Variants in DALRD3 observed in about 807,000 individuals in gnomAD.
The protein encoded by DALRD3 is DALR anticodon-binding domain-containing protein 3.
A neutral mutation model predicts 56.7 loss-of-function variants in DALRD3; 47 were observed. The ratio of observed to expected loss-of-function variants is 0.83; its 90% confidence interval spans 0.66 to 1.06. The LOEUF (loss-of-function observed/expected upper bound fraction) is 1.06. Ranked by LOEUF, DALRD3 falls within the 50% of genes least tolerant of loss-of-function variation. The probability of loss-of-function intolerance (pLI) is 0.00; values close to 1 mark genes in which losing one functional copy is unlikely to be tolerated. For synonymous variants in DALRD3, 347 were observed against 308.5 expected (o/e 1.12, Z -1.31); for missense variants, 787 against 724.0 (o/e 1.09, Z -1.00).
Position 49,016,164 on chromosome 3 carries a change from A to AT in DALRD3, c.1322dup (p.His441GlnfsTer2). ...TACCAGGAGGGACACTCACCTCATC[A>AT]TGTAGCAGTGAGAAGTCCAGACTGC... is the stretch of plus-strand genomic sequence containing the variant. On this transcript the variant is annotated frameshift_variant, in exon 9 of 12. Transcript: ENST00000341949. LOFTEE classifies it high-confidence loss of function. 6.2e-7 allele frequency: 1 copy of AT among 1,614,036 alleles called. No individual in the cohort carries two copies. The highest frequency in any genetic ancestry group is 8.5e-7 in the Non-Finnish European group (1 of 1,179,916).
upstream of DALRD3, chr3:49,018,657 G>T: frequency 6.9e-7 from 1 of 1,441,528 alleles, no homozygotes; most frequent in South Asian, 1.5e-5. Flanking sequence ...ATGCGGCGGT[G>T]GTCCCCGTAA....
chr3:49,018,963 A>C, upstream of DALRD3: 1 of 985,496 alleles, frequency 1.0e-6, no homozygotes, highest in Non-Finnish European at 1.2e-6. Flanking sequence ...GGAATAAGGC[A>C]GTATAACATT....
Position 49,016,416 on chromosome 3 carries a change from C to T in DALRD3, c.1146+13G>A, listed in dbSNP as rs1029598406. The T allele has an allele frequency of 1.2e-5, 19 of 1,611,076 alleles. No homozygotes were observed. In the African/African-American group the frequency reaches 1.5e-4, roughly 12 times the overall value. ...GTGCCCCAACACTGGCCCTGTCAGG[C>T]TCCCAGGCTCACCTGACTCTGTGGG... On this transcript the variant is annotated intron_variant, in intron 8 of 11. Transcript: ENST00000341949.
intron 5 of DALRD3, 119 bp from the exon 6 acceptor site, chr3:49,016,966 T>G: frequency 8.2e-7 from 1 of 1,217,676 alleles, no homozygotes; most frequent in South Asian, 1.3e-5. Context: ...AACTGCCAGG[T>G]TGAGTGCCTC....
chr3:49,017,495 G>A lies in DALRD3; in HGVS notation c.737C>T (p.Ser246Phe), dbSNP rs763667256. ...DNCLVTEDLL[S>F]VLAELQEALW... ...AGCCTCTTGCAGCTCAGCCAGCACA[G>A]AGAGGAGATCCTCAGTCACTGAAAA... The change falls in exon 4 of 12, where the codon TCT becomes TTT. Residue 246 changes from serine to phenylalanine, a missense_variant. Transcript: ENST00000341949. 3.1e-6 allele frequency: 5 copies of A among 1,614,122 alleles called. No homozygotes were observed. Among genetic ancestry groups the A allele is most frequent in the Non-Finnish European group, 3.4e-6 (4 of 1,180,028 alleles).
rs1378904625 is a variant in DALRD3 at position 49,018,524 on chromosome 3, G to A, written c.41C>T (p.Ala14Val). 1.9e-6 allele frequency: 3 copies of A among 1,584,050 alleles called. No individual in the cohort carries two copies. The highest frequency in any genetic ancestry group is 2.6e-6 in the Non-Finnish European group (3 of 1,165,076). The change falls in exon 1 of 12, where the codon GCC becomes GTC. Residue 14 changes from alanine (A) to valine (V), a missense_variant. By Grantham distance (64) the Ala-to-Val change is moderately conservative. Coordinates refer to ENST00000341949, the MANE Select transcript of DALRD3 (RefSeq NM_001009996.3). ...RRLGVGETLG[A>V]LNAALGPGGP... Reference sequence around the variant, plus strand: ...GCCTGGCCCCAGGGCCGCGTTGAGGGCCCCCAGCGTCTCCCCGACCCCAAG... The same window carrying A: ...GCCTGGCCCCAGGGCCGCGTTGAGGACCCCCAGCGTCTCCCCGACCCCAAG...
At chr3:49,015,909 G>T (rs754560245) in intron 10 of DALRD3, 37 bp from the exon 11 acceptor site, 4 of 1,614,072 alleles carry the variant, frequency 2.5e-6, no homozygotes, top group African/African-American at 2.7e-5. Flanking sequence ...CCATCTCTTT[G>T]CTCTTGTGCC....
Position 49,018,227 on chromosome 3 carries a change from G to C in DALRD3, c.257C>G (p.Ser86Cys). 2.8e-6 allele frequency: 4 copies of C among 1,441,420 alleles called. No individual in the cohort carries two copies. Among genetic ancestry groups the C allele is most frequent in the East Asian group, 2.6e-5 (1 of 37,808 alleles). 89.3% of individuals were successfully genotyped at this position (1,441,420 alleles called of 1,614,324 possible). The stretch of plus-strand genomic sequence containing the variant: ...GACGGCGGACCGCTGCAGTTGGAGA[G>C]ACAGACCCGCGGGGGTCGGCGCGCA... ...LRCAPTPAGL[S>C]LQLQRSAVFE... Residue 86 changes from serine (S) to cysteine (C), a missense_variant, in exon 2 of 12, where the codon TCT becomes TGT. By Grantham distance (112) the Ser-to-Cys change is moderately radical. Transcript: ENST00000341949.
chr3:49,017,601 T>TG lies in DALRD3; in HGVS notation c.718+11_718+12insC. ...CCTGCCTTTTCTGGCCCTGCTAGGC[T>TG]TCAGGTCCTACCCAGACAGTTGTCC... On this transcript the variant is annotated intron_variant, in intron 3 of 11. Coordinates refer to ENST00000341949, the MANE Select transcript of DALRD3 (RefSeq NM_001009996.3). 3 of 1,614,058 alleles carry TG rather than the reference T, an allele frequency of 1.9e-6. No homozygotes were observed. The highest frequency in any genetic ancestry group is 1.7e-6 in the Non-Finnish European group (2 of 1,179,944).
chr3:49,019,031 G>A (rs1268088896), upstream of DALRD3: 14 of 985,286 alleles, frequency 1.4e-5, no homozygotes, highest in Non-Finnish European at 1.6e-5. Flanking sequence ...AGTGTTCCGC[G>A]GTTTCAGGTT....
chr3:49,017,082 T>C (rs1336624386), intron 5 of DALRD3, 146 bp downstream of exon 5: 26 of 1,163,786 alleles, frequency 2.2e-5, no homozygotes, highest in South Asian at 1.0e-4. Context: ...CCTCTGCACC[T>C]GCTGTACATG....
chr3:49,017,565 C>T (rs1427226444), intron 3 of DALRD3, 48 bp downstream of exon 3: 1 of 1,614,070 alleles, frequency 6.2e-7, no homozygotes, highest in Non-Finnish European at 8.5e-7. Flanking sequence ...GAGATGTGCC[C>T]CTAACCCCCT....
At position 49,018,232 on chromosome 3, in the gene DALRD3, A is replaced by G; in HGVS notation, c.252T>C (p.Gly84=). 2 of 1,438,410 alleles carry G rather than the reference A, an allele frequency of 1.4e-6. No individual in the cohort carries two copies. The highest frequency in any genetic ancestry group is 3.0e-5 in the South Asian group (2 of 67,692). The allele number at this position is 1,438,410 out of a possible 1,614,324, so 89.1% of individuals were successfully genotyped here. ...CGGACCGCTGCAGTTGGAGAGACAGACCCGCGGGGGTCGGCGCGCAGCGCA... is the reference window on the plus strand; with the variant it reads ...CGGACCGCTGCAGTTGGAGAGACAGGCCCGCGGGGGTCGGCGCGCAGCGCA... ...PVLRCAPTPA[G]LSLQLQRSAV... is the part of the protein sequence containing the mutation. Residue 84 remains glycine, a synonymous_variant, in exon 2 of 12, where the codon GGT becomes GGC. Coordinates refer to ENST00000341949, the MANE Select transcript of DALRD3 (RefSeq NM_001009996.3).
chr3:49,020,818 CG>C, upstream of DALRD3: 2 of 381,490 alleles, frequency 5.2e-6, no homozygotes, highest in South Asian at 3.9e-5. Context: ...GGTTGTGAAA[CG>C]GAGTCTAGAG....
upstream of DALRD3, chr3:49,018,666 A>AT (rs2093124075): frequency 9.8e-6 from 14 of 1,434,280 alleles, no homozygotes; most frequent in Admixed American, 2.3e-4. Flanking sequence ...TGGTCCCCGT[A>AT]AGTGGACAGG....
chr3:49,018,430 G>A lies in DALRD3; in HGVS notation c.135C>T (p.Arg45=). The A allele has an allele frequency of 6.3e-7, 1 of 1,582,142 alleles. No homozygotes were observed. Among genetic ancestry groups the A allele is most frequent in the Middle Eastern group, 1.7e-4 (1 of 5,998 alleles). ...LRSRDFLAPH[R]ALQARFDDGQ... is the part of the protein sequence containing the mutation. ...CGTCATCGAAGCGCGCCTGCAGCGC[G>A]CGGTGCGGTGCCAGAAAGTCTCGGG... The change falls in exon 1 of 12, where the codon CGC becomes CGT. Residue 45 remains arginine (R), a synonymous_variant. Coordinates refer to ENST00000341949, the MANE Select transcript of DALRD3 (RefSeq NM_001009996.3).
At chr3:49,018,645 G>A, upstream of DALRD3, 1 of 1,447,050 alleles carries the variant, frequency 6.9e-7, no homozygotes, top group Non-Finnish European at 9.1e-7. Context: ...GCTGGGGCGG[G>A]GATGCGGCGG....
At position 49,016,249 on chromosome 3, in the gene DALRD3, A is replaced by AT. The variant is rs766768600; in HGVS notation, c.1237_1238insA (p.Leu413HisfsTer3). 3 of 1,614,016 alleles carry AT rather than the reference A, an allele frequency of 1.9e-6. No individual in the cohort carries two copies. On this transcript the variant is annotated frameshift_variant, in exon 9 of 12. Transcript: ENST00000341949. LOFTEE classifies it high-confidence loss of function. ...CATACTACACTTGTAACTCTCAAAG[A>AT]GTGTGGCAAGACGGGCACAATTATA...
At chr3:49,020,610 C>A, upstream of DALRD3, 1 of 483,518 alleles carries the variant, frequency 2.1e-6, no homozygotes. Flanking sequence ...TGGGCCAGGG[C>A]GCTGCTCAGG....
Sources: gnomAD v4.1 joint callset for allele counts on GRCh38, gnomAD v4.1.1 for gene constraint, MANE v1.5 for transcripts, NCBI Gene and HGNC (gene_info 2026-07-23, HGNC 2026-07-21) for gene names.